The following BRINP3 variants were observed in gnomAD, a reference collection of about 807,000 sequenced individuals.
The protein encoded by BRINP3 is BMP/retinoic acid inducible neural specific 3.
Under a neutral mutation model 71.0 loss-of-function variants are expected in BRINP3, and 19 were observed. The observed-to-expected ratio is 0.27, with a 90% CI of 0.19 to 0.39. The LOEUF (loss-of-function observed/expected upper bound fraction) is 0.39. Among genes scored for constraint, BRINP3 ranks in the 10% least tolerant of loss-of-function variants. The pLI, the probability that BRINP3 is intolerant of heterozygous loss-of-function variation, is 1.00. For synonymous variants in BRINP3, 380 were observed against 337.7 expected, an observed-to-expected ratio of 1.13 and a Z score of -1.37; for missense variants, 959 against 940.8, an observed-to-expected ratio of 1.02 and a Z score of -0.25.
chr1:190,310,704 C>A (rs547687781), intron 2 of BRINP3, among the ~76,000 whole-genome samples: 1 of 151,732 alleles, frequency 6.6e-6, no homozygotes, highest in East Asian at 1.9e-4. Context: ...TTCTCTAACT[C>A]ATTAATTATA....
chr1:190,202,685 C>T (rs1655111035), intron 6 of BRINP3, among the ~76,000 whole-genome samples: 1 of 152,016 alleles, frequency 6.6e-6, no homozygotes, highest in Admixed American at 6.6e-5. Context: ...GAATGGGTCT[C>T]ATGAGATCTG....
chr1:190,454,978 A>C, intron 1 of BRINP3, 38 bp from the exon 2 acceptor site: 2 of 985,372 alleles, frequency 2.0e-6, no homozygotes, highest in Non-Finnish European at 3.0e-6. Flanking sequence ...AACTCCTAGA[A>C]GATTCCTTTC....
chr1:190,149,909 C>A (rs1421179023), intron 7 of BRINP3, among the ~76,000 whole-genome samples: 1 of 152,020 alleles, frequency 6.6e-6, no homozygotes, highest in African/African-American at 2.4e-5. Context: ...CATCAATGTT[C>A]TTTTGTGATG....
At chr1:190,378,957 A>G (rs1670348350) in intron 2 of BRINP3, among the ~76,000 whole-genome samples, 1 of 152,206 alleles carries the variant, frequency 6.6e-6, no homozygotes, top group Non-Finnish European at 1.5e-5. Flanking sequence ...TATGCCATGA[A>G]TCACAAAGTA....
At chr1:190,376,845 GT>G (rs1670216604) in intron 2 of BRINP3, among the ~76,000 whole-genome samples, 1 of 151,882 alleles carries the variant, frequency 6.6e-6, no homozygotes, top group Non-Finnish European at 1.5e-5. Flanking sequence ...GTTTGTGTTT[GT>G]TTTTAAACTC....
chr1:190,314,834 G>A (rs1281558915), intron 2 of BRINP3, among the ~76,000 whole-genome samples: 1 of 152,132 alleles, frequency 6.6e-6, no homozygotes, highest in African/African-American at 2.4e-5. Context: ...ATAATATGGA[G>A]ACTCTTGTCA....
chr1:190,234,834 G>T (rs1457861280), intron 4 of BRINP3, among the ~76,000 whole-genome samples: 3 of 152,062 alleles, frequency 2.0e-5, no homozygotes, highest in African/African-American at 7.2e-5. Context: ...GTTTGTGTTT[G>T]TTTTTACTCA....
At position 190,453,201 on chromosome 1, in the gene BRINP3, G is replaced by GTTTTTTTTTT. The variant is rs745819844; in HGVS notation, c.236+1453_236+1454insAAAAAAAAAA. ...CTACTTTTCAGAAAGAAAAACTTTA[G>GTTTTTTTTTT]TATTTTTTTTTTTTTTTTTTTTTTT... On this transcript the variant is annotated intron_variant, in intron 2 of 7. Coordinates refer to ENST00000367462, the MANE Select transcript of BRINP3 (RefSeq NM_199051.3). Among the ~76,000 whole-genome samples, 40 of 37,852 alleles carry GTTTTTTTTTT rather than the reference G, an allele frequency of 1.1e-3. 3 individuals carry two copies. Among genetic ancestry groups the GTTTTTTTTTT allele is most frequent in the Non-Finnish European group, 2.3e-3 (38 of 16,434 alleles). The allele number at this position is 37,852 out of a possible 152,430, so 24.8% of individuals were successfully genotyped here.
chr1:190,426,346 G>A (rs1673706519), intron 2 of BRINP3, among the ~76,000 whole-genome samples: 3 of 151,806 alleles, frequency 2.0e-5, no homozygotes, highest in Admixed American at 2.0e-4. Flanking sequence ...AATCTACACT[G>A]CATGTACTAC....
intron 4 of BRINP3, among the ~76,000 whole-genome samples, chr1:190,236,796 T>C (rs1475875608): frequency 2.0e-5 from 3 of 151,976 alleles, no homozygotes; most frequent in Non-Finnish European, 4.4e-5. Context: ...TCAAAGAGAA[T>C]ACTTAGGGTT....
chr1:190,195,961 G>A (rs931792068), intron 6 of BRINP3, among the ~76,000 whole-genome samples: 5 of 152,004 alleles, frequency 3.3e-5, no homozygotes, highest in Non-Finnish European at 5.9e-5. Flanking sequence ...CACCTTCTCA[G>A]TCCAAAATAT....
intron 3 of BRINP3, among the ~76,000 whole-genome samples, chr1:190,277,118 T>TATATATATATATATATATA (rs376769940): frequency 3.1e-5 from 4 of 128,570 alleles, no homozygotes; most frequent in East Asian, 2.3e-4. Flanking sequence ...TATATATATA[T>TATATATATATATATATATA]TTATATTCAG....
intron 2 of BRINP3, among the ~76,000 whole-genome samples, chr1:190,413,241 C>T (rs1316071010): frequency 6.6e-6 from 1 of 151,762 alleles, no homozygotes; most frequent in Non-Finnish European, 1.5e-5. Flanking sequence ...TGTATATTAA[C>T]TAAAAATTAA....
chr1:190,335,246 A>C (rs1428781122), intron 2 of BRINP3, among the ~76,000 whole-genome samples: 5 of 151,874 alleles, frequency 3.3e-5, no homozygotes, highest in African/African-American at 4.8e-5. Flanking sequence ...AGATTAAACA[A>C]CTAGGACCAC....
intron 7 of BRINP3, among the ~76,000 whole-genome samples, chr1:190,120,791 G>A (rs1031309989): frequency 1.1e-4 from 16 of 151,770 alleles, no homozygotes; most frequent in African/African-American, 1.7e-4. Flanking sequence ...TGTGAGCCAC[G>A]GCACCCGGCC....
At chr1:190,398,383 G>T (rs1671715214) in intron 2 of BRINP3, among the ~76,000 whole-genome samples, 1 of 151,920 alleles carries the variant, frequency 6.6e-6, no homozygotes, top group Non-Finnish European at 1.5e-5. Flanking sequence ...TGAATTCATA[G>T]GAGGGATGAT....
At chr1:190,316,719 T>A (rs1419593123) in intron 2 of BRINP3, among the ~76,000 whole-genome samples, 1 of 152,012 alleles carries the variant, frequency 6.6e-6, no homozygotes, top group African/African-American at 2.4e-5. Flanking sequence ...CAAAAACACA[T>A]CAATAATATT....
At chr1:190,458,581 A>T (rs1676167143) in intron 1 of BRINP3, among the ~76,000 whole-genome samples, 2 of 151,998 alleles carry the variant, frequency 1.3e-5, no homozygotes, top group Admixed American at 1.3e-4. Flanking sequence ...GAATTACCTT[A>T]ATTGGTTGCT....
At chr1:190,252,067 T>C (rs1660198013) in intron 4 of BRINP3, among the ~76,000 whole-genome samples, 1 of 152,100 alleles carries the variant, frequency 6.6e-6, no homozygotes, top group African/African-American at 2.4e-5. Flanking sequence ...AAAGTCACTT[T>C]GTATATAGTT....
Sources: allele counts gnomAD v4.1 joint callset (sites outside exome capture counted in the v4.1 genomes callset), GRCh38; gene constraint gnomAD v4.1.1; transcripts MANE v1.5; gene names NCBI Gene and HGNC (gene_info 2026-07-23, HGNC 2026-07-21).